Variants in MACROD2 observed in about 807,000 individuals in gnomAD.
The protein encoded by MACROD2 is mono-ADP ribosylhydrolase 2, also known as ADP-ribose glycohydrolase MACROD2.
Under a neutral mutation model 70.4 loss-of-function variants are expected in MACROD2, and 36 were observed. The ratio of observed to expected loss-of-function variants is 0.51; its 90% CI spans 0.39 to 0.68. The LOEUF (loss-of-function observed/expected upper bound fraction) is 0.68, where lower values mean the gene tolerates loss of function less well. Among genes scored for constraint, MACROD2 ranks in the 30% least tolerant of loss-of-function variants. The probability of loss-of-function intolerance (pLI) is 0.00; values close to 1 mark genes in which losing one functional copy is unlikely to be tolerated. For missense variants in MACROD2, 496 were observed against 538.4 expected (o/e 0.92, Z 0.78); for synonymous variants, 172 against 178.8 (o/e 0.96, Z 0.30).
At chr20:15,656,572 G>C (rs1315326958) in intron 8 of MACROD2, among the ~76,000 whole-genome samples, 2 of 152,162 alleles carry the variant, frequency 1.3e-5, no homozygotes, top group Admixed American at 1.3e-4. Context: ...CCAAACCCCA[G>C]AGTTGGAACT....
At chr20:15,780,202 A>G (rs1481545952) in intron 8 of MACROD2, among the ~76,000 whole-genome samples, 1 of 152,186 alleles carries the variant, frequency 6.6e-6, no homozygotes, top group African/African-American at 2.4e-5. Context: ...TTAGTGGGAA[A>G]GACACAAGTT....
chr20:15,809,460 G>A (rs999113049), intron 8 of MACROD2, among the ~76,000 whole-genome samples: 4 of 152,210 alleles, frequency 2.6e-5, no homozygotes, highest in Non-Finnish European at 4.4e-5. Context: ...CTTCTAGGAG[G>A]ACCTCAGGCT....
At chr20:15,329,715 T>C (rs1242232026) in intron 6 of MACROD2, among the ~76,000 whole-genome samples, 4 of 152,170 alleles carry the variant, frequency 2.6e-5, no homozygotes, top group African/African-American at 9.6e-5. Flanking sequence ...AGAGTCTAGC[T>C]TCTATGCTAG....
intron 3 of MACROD2, among the ~76,000 whole-genome samples, chr20:14,087,126 G>A (rs1238278109): frequency 6.6e-6 from 1 of 152,156 alleles, no homozygotes; most frequent in Non-Finnish European, 1.5e-5. Flanking sequence ...TGGGTGCGGT[G>A]GCTCATGCCT....
intron 8 of MACROD2, among the ~76,000 whole-genome samples, chr20:15,563,669 G>A (rs1272215153): frequency 1.3e-5 from 2 of 152,178 alleles, no homozygotes; most frequent in African/African-American, 4.8e-5. Context: ...TGAGTTAACA[G>A]AGTGTGGTAT....
chr20:15,379,423 A>G (rs1218938403), intron 6 of MACROD2, among the ~76,000 whole-genome samples: 1 of 151,986 alleles, frequency 6.6e-6, no homozygotes, highest in Non-Finnish European at 1.5e-5. Context: ...CACTTGGCAT[A>G]GTCTTGGCAT....
At chr20:15,769,292 C>T (rs761869174) in intron 8 of MACROD2, among the ~76,000 whole-genome samples, 4 of 152,048 alleles carry the variant, frequency 2.6e-5, no homozygotes, top group East Asian at 1.9e-4. Flanking sequence ...GAATTACAGG[C>T]GTGCGCCACC....
intron 5 of MACROD2, among the ~76,000 whole-genome samples, chr20:14,707,229 CGGA>C (rs2071280361): frequency 6.6e-6 from 1 of 152,086 alleles, no homozygotes; most frequent in Non-Finnish European, 1.5e-5. Flanking sequence ...AGAGGCTTCA[CGGA>C]GGAGCACTGA....
At position 15,648,044 on chromosome 20, in the gene MACROD2, G is replaced by A. The variant is rs900557970; in HGVS notation, c.645+148197G>A. On this transcript the variant is annotated intron_variant, in intron 8 of 17. Coordinates refer to ENST00000684519, the MANE Select transcript of MACROD2 (RefSeq NM_001351661.2). The stretch of plus-strand genomic sequence containing the variant: ...CAGAGGACAACAGACAATTTTAACT[G>A]AAGGCTTTCTTGGCGTATGCATGTG... Among the ~76,000 whole-genome samples, 64 of 152,026 alleles carry A rather than the reference G, an allele frequency of 4.2e-4. 3 individuals carry two copies.
chr20:15,105,733 A>G (rs534112993), intron 5 of MACROD2, among the ~76,000 whole-genome samples: 2 of 152,280 alleles, frequency 1.3e-5, no homozygotes, highest in South Asian at 4.1e-4. Flanking sequence ...ACTTAGAGAC[A>G]GCAGAAAGGG....
At chr20:14,226,475 G>A (rs2081734915) in intron 3 of MACROD2, among the ~76,000 whole-genome samples, 1 of 152,196 alleles carries the variant, frequency 6.6e-6, no homozygotes, top group African/African-American at 2.4e-5. Flanking sequence ...GCCAAGACTG[G>A]AGCCGGCTCC....
At chr20:14,562,876 G>T (rs147600704) in intron 4 of MACROD2, among the ~76,000 whole-genome samples, 51 of 151,738 alleles carry the variant, frequency 3.4e-4, no homozygotes, top group African/African-American at 1.2e-3. Flanking sequence ...CCTCTTCTGG[G>T]GATATGCTAG....
chr20:14,805,999 T>C lies in MACROD2; in HGVS notation c.418+121040T>C, dbSNP rs142594858. ...AAGTGGGGTCATTGTGAAGATTCGA[T>C]GAGTTTATACAGATAAAGCATTAAA... On this transcript the variant is annotated intron_variant, in intron 5 of 17. Coordinates refer to ENST00000684519, the MANE Select transcript of MACROD2 (RefSeq NM_001351661.2). 1.1e-3 allele frequency among the ~76,000 whole-genome samples: 174 copies of C among 151,806 alleles called. 3 individuals are homozygous for C. Among genetic ancestry groups the C allele is most frequent in the African/African-American group, 3.9e-3 (159 of 41,154 alleles).
intron 5 of MACROD2, among the ~76,000 whole-genome samples, chr20:14,863,050 A>G (rs1366264352): frequency 6.6e-6 from 1 of 152,048 alleles, no homozygotes; most frequent in Non-Finnish European, 1.5e-5. Flanking sequence ...AGGTATTATT[A>G]GTATTCACTA....
chr20:15,183,186 C>T (rs1035948132), intron 5 of MACROD2, among the ~76,000 whole-genome samples: 1 of 152,114 alleles, frequency 6.6e-6, no homozygotes, highest in African/African-American at 2.4e-5. Context: ...TGAATGGGAA[C>T]TTGTTGTCAT....
chr20:14,411,541 G>C (rs1213857097), intron 3 of MACROD2, among the ~76,000 whole-genome samples: 1 of 152,042 alleles, frequency 6.6e-6, no homozygotes, highest in Non-Finnish European at 1.5e-5. Context: ...AAAGGATGGA[G>C]GTTACCTAGA....
intron 5 of MACROD2, among the ~76,000 whole-genome samples, chr20:14,772,221 T>A (rs1231269821): frequency 2.0e-5 from 3 of 152,128 alleles, no homozygotes; most frequent in Admixed American, 2.0e-4. Context: ...TTGGCCTCTT[T>A]CTTTTCACTT....
intron 8 of MACROD2, among the ~76,000 whole-genome samples, chr20:15,565,066 C>A (rs2048293271): frequency 6.6e-6 from 1 of 152,116 alleles, no homozygotes; most frequent in South Asian, 2.1e-4. Flanking sequence ...AAGCTGCTTT[C>A]AAAAATACAG....
At chr20:14,673,803 T>A (rs1252916364) in intron 4 of MACROD2, among the ~76,000 whole-genome samples, 1 of 150,928 alleles carries the variant, frequency 6.6e-6, no homozygotes, top group Non-Finnish European at 1.5e-5. Context: ...GCCTGTAATC[T>A]CAGCTACTCG....
Sources: gnomAD v4.1 joint callset for allele counts (sites outside exome capture counted in the v4.1 genomes callset) on GRCh38, gnomAD v4.1.1 for gene constraint, MANE v1.5 for transcripts, NCBI Gene and HGNC (gene_info 2026-07-23, HGNC 2026-07-21) for gene names.